The following CSMD3 variants were observed in gnomAD, a reference collection of about 807,000 sequenced individuals.
CSMD3 encodes CUB and sushi domain-containing protein 3.
A neutral mutation model predicts 435.2 loss-of-function variants in CSMD3; 177 were observed. The ratio of observed to expected loss-of-function variants is 0.41; its 90% CI spans 0.36 to 0.46. CSMD3 has a LOEUF of 0.46. Ranked by LOEUF, CSMD3 falls within the 20% of genes least tolerant of loss-of-function variation. The pLI is 0.34. For synonymous variants in CSMD3, 1,656 were observed against 1,520.5 expected (o/e 1.09, Z -2.07); for missense variants, 4,265 against 4,504.6 (o/e 0.95, Z 1.52).
chr8:113,392,375 G>A (rs2094464626), intron 1 of CSMD3, among the ~76,000 whole-genome samples: 1 of 152,074 alleles, frequency 6.6e-6, no homozygotes, highest in Non-Finnish European at 1.5e-5. Flanking sequence ...AAATAATTAT[G>A]GGGAAGTGGC....
chr8:113,138,308 T>C (rs1355444855), intron 4 of CSMD3, among the ~76,000 whole-genome samples: 1 of 151,472 alleles, frequency 6.6e-6, no homozygotes, highest in Non-Finnish European at 1.5e-5. Context: ...ACTAAAAAAA[T>C]TGAATTTTTA....
At chr8:113,226,302 C>A (rs2093028133) in intron 3 of CSMD3, among the ~76,000 whole-genome samples, 2 of 151,394 alleles carry the variant, frequency 1.3e-5, no homozygotes, top group Non-Finnish European at 3.0e-5. Context: ...ACATGGATAC[C>A]AACTAATGTG....
At chr8:113,340,424 T>C (rs1472193633) in intron 1 of CSMD3, among the ~76,000 whole-genome samples, 20 of 152,136 alleles carry the variant, frequency 1.3e-4, no homozygotes, top group Non-Finnish European at 8.8e-5. Flanking sequence ...TAGAGTAACC[T>C]ACATACTTAT....
chr8:112,811,947 C>A (rs189909059), intron 12 of CSMD3, among the ~76,000 whole-genome samples: 1 of 152,228 alleles, frequency 6.6e-6, no homozygotes, highest in East Asian at 1.9e-4. Flanking sequence ...GTAAAGGATG[C>A]TGTGGGCTAC....
chr8:113,127,284 G>A (rs2091161262), intron 4 of CSMD3, among the ~76,000 whole-genome samples: 1 of 152,102 alleles, frequency 6.6e-6, no homozygotes, highest in Non-Finnish European at 1.5e-5. Flanking sequence ...ATGTCCACTT[G>A]GATCTGTCAC....
intron 3 of CSMD3, among the ~76,000 whole-genome samples, chr8:113,247,634 T>A (rs2093289312): frequency 6.6e-6 from 1 of 152,118 alleles, no homozygotes; most frequent in Non-Finnish European, 1.5e-5. Flanking sequence ...GGAGTAGATT[T>A]CTGTAAGTAC....
intron 40 of CSMD3, among the ~76,000 whole-genome samples, chr8:112,346,804 G>C (rs997270043): frequency 2.1e-4 from 30 of 145,918 alleles, no homozygotes; most frequent in South Asian, 2.0e-3. Context: ...TCAGCCACCC[G>C]AGTAGCTGGG....
intron 13 of CSMD3, among the ~76,000 whole-genome samples, chr8:112,768,321 A>T (rs1483231723): frequency 6.6e-6 from 1 of 151,872 alleles, no homozygotes; most frequent in Non-Finnish European, 1.5e-5. Context: ...AAACTAAAAA[A>T]CAGTGAAGAT....
At chr8:112,526,200 A>G (rs1247245065) in intron 27 of CSMD3, among the ~76,000 whole-genome samples, 3 of 151,842 alleles carry the variant, frequency 2.0e-5, no homozygotes, top group African/African-American at 7.2e-5. Flanking sequence ...GTGGATTTTA[A>G]TGAATAGCTA....
intron 11 of CSMD3, among the ~76,000 whole-genome samples, chr8:112,835,462 A>G (rs1487023576): frequency 6.6e-6 from 1 of 151,806 alleles, no homozygotes; most frequent in Non-Finnish European, 1.5e-5. Context: ...TGTTGTGTAC[A>G]CCTATACATT....
chr8:112,803,980 T>A lies in CSMD3; in HGVS notation c.1860-3706A>T, dbSNP rs1422662196. Among the ~76,000 whole-genome samples the A allele has an allele frequency of 3.9e-5, 6 of 152,308 alleles. No homozygotes were observed. In the East Asian group the frequency reaches 1.2e-3, roughly 29 times the overall value. On this transcript the variant is annotated intron_variant, in intron 12 of 70. Transcript: ENST00000297405. ...GAACCAAGAGGTAGATAACTGTTCA[T>A]CACCCTCCACAAATAAGGGATAACT...
At chr8:112,540,455 T>C (rs960794229) in intron 27 of CSMD3, among the ~76,000 whole-genome samples, 3 of 151,968 alleles carry the variant, frequency 2.0e-5, no homozygotes, top group African/African-American at 4.8e-5. Flanking sequence ...GAAAGAAAAT[T>C]AGTATATCAA....
intron 1 of CSMD3, among the ~76,000 whole-genome samples, chr8:113,418,790 A>G (rs2094594985): frequency 6.6e-6 from 1 of 152,220 alleles, no homozygotes; most frequent in African/African-American, 2.4e-5. Flanking sequence ...ACTTGTTTCA[A>G]GAACAATAAC....
chr8:112,899,059 A>T (rs2082028787), intron 10 of CSMD3, among the ~76,000 whole-genome samples: 1 of 151,278 alleles, frequency 6.6e-6, no homozygotes, highest in Non-Finnish European at 1.5e-5. Context: ...AATTTCTTAT[A>T]CAAATAAGCC....
At chr8:112,990,189 C>T (rs147570937) in intron 6 of CSMD3, among the ~76,000 whole-genome samples, 15 of 151,956 alleles carry the variant, frequency 9.9e-5, no homozygotes, top group Middle Eastern at 6.8e-3. Context: ...AATACAGCCA[C>T]GTAAGGAAGT....
At chr8:113,183,479 T>C (rs1181840114) in intron 3 of CSMD3, among the ~76,000 whole-genome samples, 1 of 152,016 alleles carries the variant, frequency 6.6e-6, no homozygotes, top group African/African-American at 2.4e-5. Flanking sequence ...TGAGGTGATC[T>C]GAAACAATAA....
intron 45 of CSMD3, among the ~76,000 whole-genome samples, chr8:112,323,275 A>G (rs558807780): frequency 2.6e-5 from 4 of 152,104 alleles, no homozygotes; most frequent in East Asian, 1.9e-4. Flanking sequence ...ATCTTCATCA[A>G]TCTCTACTAG....
At chr8:112,405,724 A>G (rs2130005688) in intron 35 of CSMD3, among the ~76,000 whole-genome samples, 1 of 152,134 alleles carries the variant, frequency 6.6e-6, no homozygotes, top group Non-Finnish European at 1.5e-5. Context: ...CATATCTGTA[A>G]CTAATAGAGT....
In CSMD3 at chr8:112,476,910, T is replaced by A. The variant is rs1307512525; in HGVS notation, c.5279-4203A>T. Among the ~76,000 whole-genome samples, 3 of 152,184 alleles carry A rather than the reference T, an allele frequency of 2.0e-5. No homozygotes were observed. The East Asian group carries it at 5.8e-4, about 29-fold the overall frequency. ...GCTCTTTGACTCTCAGCTCCACTCATCACCACAAGTTCATACCACTGGTAG... is the reference window on the plus strand; with the variant it reads ...GCTCTTTGACTCTCAGCTCCACTCAACACCACAAGTTCATACCACTGGTAG... On this transcript the variant is annotated intron_variant, in intron 31 of 70. Transcript: ENST00000297405.
Sources: gnomAD v4.1 joint callset for allele counts (sites outside exome capture counted in the v4.1 genomes callset) on GRCh38, gnomAD v4.1.1 for gene constraint, MANE v1.5 for transcripts, NCBI Gene and HGNC (gene_info 2026-07-23, HGNC 2026-07-21) for gene names.